PDZRN4: variants seen among roughly 807,000 people sequenced by gnomAD.
PDZRN4 encodes the protein PDZ domain containing ring finger 4.
In PDZRN4, 70 loss-of-function variants were observed where a neutral mutation model predicts 99.0. That is an observed-to-expected ratio of 0.71 (90% CI 0.58 to 0.86). The LOEUF is 0.86. PDZRN4 is among the 40% of genes least tolerant of loss of function. PDZRN4 has a pLI of 0.00. For missense variants in PDZRN4, 1,474 were observed against 1,331.2 expected (o/e 1.11, Z -1.67); for synonymous variants, 551 against 501.6 (o/e 1.10, Z -1.32).
chr12:41,204,694 G>A (rs539701148), intron 3 of PDZRN4, among the ~76,000 whole-genome samples: 11 of 152,126 alleles, frequency 7.2e-5, no homozygotes, highest in South Asian at 4.1e-4. Flanking sequence ...AACCACCCCC[G>A]TGATTCAGTT....
intron 3 of PDZRN4, among the ~76,000 whole-genome samples, chr12:41,216,874 A>C (rs903439906): frequency 6.6e-6 from 1 of 152,064 alleles, no homozygotes. Flanking sequence ...ATGTCCCTCT[A>C]TTCTTCTTAA....
chr12:41,518,829 G>C (rs533507204), intron 5 of PDZRN4, among the ~76,000 whole-genome samples: 2 of 151,994 alleles, frequency 1.3e-5, no homozygotes, highest in Non-Finnish European at 2.9e-5. Flanking sequence ...TGCATCTGTG[G>C]TCCCACCTAG....
chr12:41,551,181 T>A (rs1486782281), intron 5 of PDZRN4, among the ~76,000 whole-genome samples: 1 of 152,076 alleles, frequency 6.6e-6, no homozygotes, highest in Non-Finnish European at 1.5e-5. Flanking sequence ...CTGTTCCTCA[T>A]AGAGGTCACC....
intron 3 of PDZRN4, among the ~76,000 whole-genome samples, chr12:41,416,509 T>C (rs1423853603): frequency 1.3e-5 from 2 of 151,744 alleles, no homozygotes; most frequent in Non-Finnish European, 2.9e-5. Flanking sequence ...ATTAGCCAGC[T>C]GTGGGGGCAG....
intron 5 of PDZRN4, among the ~76,000 whole-genome samples, chr12:41,519,221 GTTC>G (rs1175144728): frequency 6.6e-6 from 1 of 151,986 alleles, no homozygotes; most frequent in Admixed American, 6.6e-5. Flanking sequence ...AAATCTGCTT[GTTC>G]TTCTATGCTG....
At chr12:41,193,002 G>T (rs565137731) in intron 2 of PDZRN4, among the ~76,000 whole-genome samples, 5 of 152,166 alleles carry the variant, frequency 3.3e-5, no homozygotes, top group Non-Finnish European at 7.3e-5. Context: ...ATCCTGCATT[G>T]CAGATGTTGT....
chr12:41,223,448 A>G (rs1339874737), intron 3 of PDZRN4, among the ~76,000 whole-genome samples: 1 of 152,066 alleles, frequency 6.6e-6, no homozygotes, highest in African/African-American at 2.4e-5. Context: ...TAATCACACA[A>G]AGGACACAAA....
At chr12:41,296,453 G>A (rs1042418264) in intron 3 of PDZRN4, among the ~76,000 whole-genome samples, 2 of 152,116 alleles carry the variant, frequency 1.3e-5, no homozygotes, top group Non-Finnish European at 2.9e-5. Flanking sequence ...TATTATAAAG[G>A]TACTTTGAGA....
chr12:41,203,712 T>A (rs1950831284), intron 3 of PDZRN4, among the ~76,000 whole-genome samples: 1 of 151,986 alleles, frequency 6.6e-6, no homozygotes, highest in South Asian at 2.1e-4. Flanking sequence ...TATCTGTGCC[T>A]TCAACCATTG....
At chr12:41,366,806 A>AAT (rs767142979) in intron 3 of PDZRN4, among the ~76,000 whole-genome samples, 5 of 152,162 alleles carry the variant, frequency 3.3e-5, no homozygotes, top group Non-Finnish European at 5.9e-5. Context: ...ATTATAATAG[A>AAT]ATATATCTTT....
chr12:41,246,799 G>A (rs10879897), intron 3 of PDZRN4, among the ~76,000 whole-genome samples: 86,152 of 151,982 alleles, frequency 0.57, 24,499 homozygotes, highest in East Asian at 0.65. Flanking sequence ...TATGCCACCG[G>A]ACATGAAATA....
At chr12:41,498,112 A>C (rs974965285) in intron 3 of PDZRN4, among the ~76,000 whole-genome samples, 1 of 152,010 alleles carries the variant, frequency 6.6e-6, no homozygotes, top group African/African-American at 2.4e-5. Context: ...TTAACAGTTT[A>C]CATTTGCTTA....
chr12:41,296,258 G>A (rs985124256), intron 3 of PDZRN4, among the ~76,000 whole-genome samples: 58 of 152,250 alleles, frequency 3.8e-4, no homozygotes, highest in African/African-American at 1.2e-3. Context: ...AATGAAACAT[G>A]GCTTTACCAA....
At chr12:41,313,003 C>T (rs1951617053) in intron 3 of PDZRN4, among the ~76,000 whole-genome samples, 1 of 152,162 alleles carries the variant, frequency 6.6e-6, no homozygotes, top group Non-Finnish European at 1.5e-5. Context: ...TCATAAGCAA[C>T]ATAAACTCAG....
At chr12:41,392,697 G>A (rs187550840) in intron 3 of PDZRN4, among the ~76,000 whole-genome samples, 162 of 152,228 alleles carry the variant, frequency 1.1e-3, no homozygotes, top group African/African-American at 3.7e-3. Context: ...TATATTTGGG[G>A]TATGTAGGAG....
At chr12:41,568,281 T>C (rs569618920) in intron 9 of PDZRN4, among the ~76,000 whole-genome samples, 3 of 152,334 alleles carry the variant, frequency 2.0e-5, no homozygotes, top group Admixed American at 6.5e-5. Context: ...AAAATATTAA[T>C]GTATCTATTT....
At chr12:41,229,788 C>T (rs556365117) in intron 3 of PDZRN4, among the ~76,000 whole-genome samples, 5 of 152,018 alleles carry the variant, frequency 3.3e-5, no homozygotes, top group Non-Finnish European at 2.9e-5. Flanking sequence ...CTTTCTCTAC[C>T]TTCAGAGTCC....
chr12:41,395,054 G>C (rs954303246), intron 3 of PDZRN4, among the ~76,000 whole-genome samples: 1 of 151,896 alleles, frequency 6.6e-6, no homozygotes. Context: ...TATTTATATT[G>C]CTCCCACTAT....
intron 3 of PDZRN4, chr12:41,411,455 C>A (rs887023951): frequency 6.6e-6 from 1 of 152,182 alleles, no homozygotes; most frequent in African/African-American, 2.4e-5. Flanking sequence ...ACAACTTGCA[C>A]CTGTGAGTGA....
Sources: gnomAD v4.1 joint callset for allele counts (sites outside exome capture counted in the v4.1 genomes callset) on GRCh38, gnomAD v4.1.1 for gene constraint, MANE v1.5 for transcripts, NCBI Gene and HGNC (gene_info 2026-07-23, HGNC 2026-07-21) for gene names.